ATRN: variants seen among roughly 807,000 people sequenced by gnomAD.
ATRN encodes the protein attractin-2.
In ATRN, 54 loss-of-function variants were observed where a neutral mutation model predicts 178.7. That is an observed-to-expected ratio of 0.30 (90% CI 0.24 to 0.38). The LOEUF is 0.38. ATRN is among the 10% of genes least tolerant of loss of function. ATRN has a pLI of 1.00. For synonymous variants in ATRN, 636 were observed against 663.0 expected (o/e 0.96, Z 0.63); for missense variants, 1,443 against 1,815.1 (o/e 0.79, Z 3.73).
At position 3,549,280 on chromosome 20, in the gene ATRN, A is replaced by G; in HGVS notation, c.1054A>G (p.Ile352Val). The change falls in exon 6 of 29, where the codon ATT becomes GTT. Residue 352 changes from isoleucine to valine, a missense_variant. Physicochemically the swap from Ile to Val is conservative, Grantham distance 29. Around this residue, in one of 4 missense-constraint regions of ATRN, gnomAD observed 862 missense variants for 972.1 expected, o/e 0.89. Coordinates refer to ENST00000262919, the MANE Select transcript of ATRN (RefSeq NM_139321.3). Reference sequence around the variant, plus strand: ...TCATAAAGCTGTGGTCAATGGAAACATTATGTGGGTTGTTGGAGGATATAT... The same window carrying G: ...TCATAAAGCTGTGGTCAATGGAAACGTTATGTGGGTTGTTGGAGGATATAT... ...ASHKAVVNGN[I>V]MWVVGGYMFN... is the part of the protein sequence containing the mutation. The G allele has an allele frequency of 6.2e-7, 1 of 1,609,838 alleles. No homozygotes were observed. Among genetic ancestry groups the G allele is most frequent in the Non-Finnish European group, 8.5e-7 (1 of 1,178,580 alleles).
At chr20:3,471,865 G>A (rs6107293) in intron 1 of ATRN, among the ~76,000 whole-genome samples, 19,466 of 152,194 alleles carry the variant, frequency 0.13, 1,871 homozygotes, top group African/African-American at 0.26. Context: ...AGGAAAGGTG[G>A]TCGAGCCAGG....
In ATRN at chr20:3,474,174, T is replaced by A. The variant is rs56366997; in HGVS notation, c.410+2657T>A. Among the ~76,000 whole-genome samples the A allele has an allele frequency of 2.7e-3, 404 of 152,226 alleles. 2 individuals carry two copies. The highest frequency in any genetic ancestry group is 8.6e-3 in the African/African-American group (356 of 41,544). On this transcript the variant is annotated intron_variant, in intron 1 of 28. Coordinates refer to ENST00000262919, the MANE Select transcript of ATRN (RefSeq NM_139321.3). ...GCCCAGAGGATTGGATAAGAGCTAC[T>A]TGTTGCAGGGAACAGGCAGTCCTGA...
intron 1 of ATRN, among the ~76,000 whole-genome samples, chr20:3,522,202 G>A (rs2085305147): frequency 6.6e-6 from 1 of 152,190 alleles, no homozygotes; most frequent in South Asian, 2.1e-4. Flanking sequence ...AGGGAAATTA[G>A]AAAAACATTT....
In ATRN at chr20:3,471,333, C is replaced by T. The variant is rs1188881494; in HGVS notation, c.226C>T (p.Leu76=). 2 of 1,487,842 alleles carry T rather than the reference C, an allele frequency of 1.3e-6. No homozygotes were observed. The highest frequency in any genetic ancestry group is 1.3e-5 in the South Asian group (1 of 78,384). The allele number at this position is 1,487,842 out of a possible 1,614,324, so 92.2% of individuals were successfully genotyped here. The change falls in exon 1 of 29, where the codon CTG becomes TTG. Residue 76 remains leucine (L), a synonymous_variant. Transcript: ENST00000262919. ...LLLSPPLLLL[L]LPCEAEAAAA... ...GCTCTCGCCGCCGCTGCTGCTGCTG[C>T]TGCTGCCCTGTGAGGCCGAGGCCGC...
At chr20:3,609,070 G>A (rs2086722211) in intron 24 of ATRN, among the ~76,000 whole-genome samples, 1 of 151,864 alleles carries the variant, frequency 6.6e-6, no homozygotes, top group Non-Finnish European at 1.5e-5. Context: ...TGTGAAGAAT[G>A]TCATTGGTGT....
rs769718248 is a variant in ATRN at position 3,535,343 on chromosome 20, A to G, written c.494+7A>G. On this transcript the variant is annotated splice_region_variant and intron_variant, in intron 2 of 28. Transcript: ENST00000262919. ...CGTGGCTCATTGAAGGACAGTAAGT[A>G]GAAATGGCTGACTTAATTTTTGTTT... 1 of 1,500,896 alleles carries G rather than the reference A, an allele frequency of 6.7e-7. No individual in the cohort carries two copies. The highest frequency in any genetic ancestry group is 2.4e-5 in the East Asian group (1 of 42,388). 93.0% of individuals were successfully genotyped at this position (1,500,896 alleles called of 1,614,324 possible). A position where few individuals can be genotyped will look rare whatever the true frequency, so the allele number is the denominator to read the frequency against.
At chr20:3,588,183 T>G (rs2146266736) in intron 18 of ATRN, among the ~76,000 whole-genome samples, 1 of 152,328 alleles carries the variant, frequency 6.6e-6, no homozygotes, top group African/African-American at 2.4e-5. Flanking sequence ...TTCTAGCCTA[T>G]GAACCTGGAA....
intron 1 of ATRN, chr20:3,490,924 T>G: frequency 5.9e-6 from 8 of 1,358,634 alleles, no homozygotes; most frequent in African/African-American, 1.4e-5. Flanking sequence ...GACTTCTTAG[T>G]GAGCATCTCT....
At chr20:3,588,272 T>C (rs1030820448) in intron 18 of ATRN, among the ~76,000 whole-genome samples, 10 of 152,248 alleles carry the variant, frequency 6.6e-5, no homozygotes, top group Admixed American at 3.9e-4. Flanking sequence ...TGTTCCTTTT[T>C]TTAGGGGAAA....
At chr20:3,530,580 A>G (rs1031124086) in intron 1 of ATRN, among the ~76,000 whole-genome samples, 2 of 151,946 alleles carry the variant, frequency 1.3e-5, no homozygotes, top group African/African-American at 4.8e-5. Context: ...ACGCCTGGCC[A>G]GGATTTCAGT....
intron 13 of ATRN, among the ~76,000 whole-genome samples, chr20:3,576,340 C>G (rs1162537104): frequency 6.6e-6 from 1 of 152,110 alleles, no homozygotes; most frequent in Non-Finnish European, 1.5e-5. Context: ...TTTGCAAAAT[C>G]TCCTTGTTTT....
chr20:3,608,685 G>T (rs980507407), intron 24 of ATRN, among the ~76,000 whole-genome samples: 1 of 152,084 alleles, frequency 6.6e-6, no homozygotes, highest in African/African-American at 2.4e-5. Flanking sequence ...TGCTTTGGTT[G>T]GCTGAGTACA....
At chr20:3,616,258 T>G (rs1048517759) in intron 24 of ATRN, among the ~76,000 whole-genome samples, 8 of 152,166 alleles carry the variant, frequency 5.3e-5, no homozygotes, top group Admixed American at 3.3e-4. Context: ...ACTTCTCTCC[T>G]GTGATCTCCA....
At chr20:3,637,020 A>G (rs774359505) in intron 26 of ATRN, among the ~76,000 whole-genome samples, 2 of 152,254 alleles carry the variant, frequency 1.3e-5, no homozygotes, top group Non-Finnish European at 2.9e-5. Context: ...CAGAAGCTAA[A>G]CAATCAACTG....
chr20:3,569,754 C>T (rs1435673354), intron 11 of ATRN, among the ~76,000 whole-genome samples: 3 of 152,152 alleles, frequency 2.0e-5, no homozygotes, highest in Admixed American at 2.0e-4. Flanking sequence ...TTTTAAAACA[C>T]AACCCCTATG....
intron 1 of ATRN, among the ~76,000 whole-genome samples, chr20:3,531,463 G>A (rs953024779): frequency 2.0e-5 from 3 of 152,156 alleles, no homozygotes; most frequent in Admixed American, 1.3e-4. Flanking sequence ...GCAGTGATGT[G>A]CATATTGTCA....
rs2086573718 is a variant in ATRN, at chr20:3,599,287, T to C, written c.3564+1287T>C. ...ATTCACTGCCTCATAAGCAAGCGTT[T>C]GAAGTGCTCAAAATCTTTCAGGATA... On this transcript the variant is annotated intron_variant, in intron 22 of 28. Coordinates refer to ENST00000262919, the MANE Select transcript of ATRN (RefSeq NM_139321.3). Among the ~76,000 whole-genome samples, 7 of 152,350 alleles carry C rather than the reference T, an allele frequency of 4.6e-5. No individual in the cohort carries two copies. In the South Asian group the frequency reaches 1.4e-3, roughly 32 times the overall value.
chr20:3,557,351 C>A (rs895704274), intron 6 of ATRN, among the ~76,000 whole-genome samples: 3 of 152,206 alleles, frequency 2.0e-5, no homozygotes, highest in African/African-American at 7.2e-5. Context: ...CCACAGACTT[C>A]TCCGTAGCAA....
intron 24 of ATRN, among the ~76,000 whole-genome samples, chr20:3,624,198 G>A (rs919193980): frequency 1.3e-5 from 2 of 152,180 alleles, no homozygotes; most frequent in African/African-American, 4.8e-5. Context: ...TGTGGGTGGA[G>A]GCGCAGGGAG....
Sources: allele counts gnomAD v4.1 joint callset (sites outside exome capture counted in the v4.1 genomes callset), GRCh38; gene constraint gnomAD v4.1.1; regional missense constraint gnomAD v4.1.1; transcripts MANE v1.5; gene names NCBI Gene and HGNC (gene_info 2026-07-23, HGNC 2026-07-21).